Variants in TMEM178B observed in about 807,000 individuals in gnomAD.
TMEM178B encodes transmembrane protein 178B.
Under a neutral mutation model 31.0 loss-of-function variants are expected in TMEM178B, and 5 were observed. The ratio of observed to expected loss-of-function variants is 0.16; its 90% CI spans 0.08 to 0.34. TMEM178B has a LOEUF of 0.34. TMEM178B is among the 10% of genes least tolerant of loss of function. The pLI is 1.00. For missense variants in TMEM178B, 275 were observed against 400.3 expected (o/e 0.69, Z 2.67); for synonymous variants, 164 against 164.0 (o/e 1.00, Z 0.00).
At chr7:141,237,175 A>C (rs1224478350) in intron 2 of TMEM178B, among the ~76,000 whole-genome samples, 1 of 152,232 alleles carries the variant, frequency 6.6e-6, no homozygotes, top group Non-Finnish European at 1.5e-5. Flanking sequence ...AATTGATACA[A>C]CCTTACTTGA....
intron 1 of TMEM178B, among the ~76,000 whole-genome samples, chr7:141,168,685 G>T (rs944088060): frequency 6.6e-6 from 1 of 152,064 alleles, no homozygotes; most frequent in Non-Finnish European, 1.5e-5. Flanking sequence ...CAGGAGAATC[G>T]CTTGAGCCCG....
chr7:141,451,891 T>C (rs1801870363), intron 3 of TMEM178B, among the ~76,000 whole-genome samples: 1 of 152,184 alleles, frequency 6.6e-6, no homozygotes, highest in South Asian at 2.1e-4. Flanking sequence ...AGCTGGCTTC[T>C]TGGAGATGTG....
intron 1 of TMEM178B, among the ~76,000 whole-genome samples, chr7:141,132,060 C>G (rs1795603736): frequency 6.6e-6 from 1 of 152,194 alleles, no homozygotes; most frequent in Non-Finnish European, 1.5e-5. Context: ...TCTTTCTCAC[C>G]ATAGACTTTG....
At chr7:141,144,737 A>T (rs1001369020) in intron 1 of TMEM178B, among the ~76,000 whole-genome samples, 1 of 152,136 alleles carries the variant, frequency 6.6e-6, no homozygotes, top group African/African-American at 2.4e-5. Context: ...AGATTTGGGC[A>T]CAAAGGAGGT....
At chr7:141,358,537 C>G (rs1052672195) in intron 2 of TMEM178B, among the ~76,000 whole-genome samples, 2 of 152,154 alleles carry the variant, frequency 1.3e-5, no homozygotes, top group African/African-American at 2.4e-5. Context: ...CCTAAACCAA[C>G]TCTTTGTATA....
In TMEM178B at chr7:141,344,492, T is replaced by C. The variant is rs1041170270; in HGVS notation, c.497-93116T>C. On this transcript the variant is annotated intron_variant, in intron 2 of 3. Transcript: ENST00000565468. The surrounding 1 kb of genome is among the most constrained non-coding windows in gnomAD (Gnocchi z 4.1). ...CACATTTTAGGCACTCTTTTTACTT[T>C]GAAATTTTTAAAAATGTAATTTTAA... 2.0e-5 allele frequency among the ~76,000 whole-genome samples: 3 copies of C among 152,228 alleles called. No individual in the cohort carries two copies. The highest frequency in any genetic ancestry group is 7.2e-5 in the African/African-American group (3 of 41,456).
At chr7:141,192,532 A>G (rs1263581799) in intron 1 of TMEM178B, among the ~76,000 whole-genome samples, 1 of 148,798 alleles carries the variant, frequency 6.7e-6, no homozygotes, top group African/African-American at 2.5e-5. Context: ...TCTGTCGCCC[A>G]GGCTGGAGTG....
chr7:141,506,003 A>G, the TMEM178B span, among the ~76,000 whole-genome samples: 7 of 152,238 alleles, frequency 4.6e-5, no homozygotes, highest in African/African-American at 9.6e-5. Flanking sequence ...GACAGAGGTT[A>G]TGGGCCAGGT....
intron 1 of TMEM178B, among the ~76,000 whole-genome samples, chr7:141,113,750 G>T (rs1312667575): frequency 6.6e-6 from 1 of 152,186 alleles, no homozygotes. Flanking sequence ...AGCACCTGCA[G>T]CAGCAAGCCG....
At chr7:141,321,300 A>G (rs1206656734) in intron 2 of TMEM178B, among the ~76,000 whole-genome samples, 3 of 152,204 alleles carry the variant, frequency 2.0e-5, no homozygotes, top group Non-Finnish European at 2.9e-5. Flanking sequence ...CAAGATGCCA[A>G]TGGCCTTTCT....
At chr7:141,327,191 A>G (rs1799206914) in intron 2 of TMEM178B, among the ~76,000 whole-genome samples, 1 of 152,148 alleles carries the variant, frequency 6.6e-6, no homozygotes, top group South Asian at 2.1e-4. Flanking sequence ...TGATGTATAG[A>G]GTTTATGAAG....
chr7:141,285,800 G>C (rs1212092651), intron 2 of TMEM178B, among the ~76,000 whole-genome samples: 3 of 152,172 alleles, frequency 2.0e-5, no homozygotes. Flanking sequence ...CAGGGACATG[G>C]ATGAAGTTGG....
intron 1 of TMEM178B, among the ~76,000 whole-genome samples, chr7:141,192,865 T>C (rs1796719749): frequency 6.6e-6 from 1 of 152,240 alleles, no homozygotes; most frequent in Non-Finnish European, 1.5e-5. Flanking sequence ...CATAAACATC[T>C]CTGCGATGTG....
In TMEM178B at chr7:141,471,985, C is replaced by A. The variant is rs916774494; in HGVS notation, c.*1199C>A. 1 of 152,208 alleles carries A rather than the reference C, an allele frequency of 6.6e-6. No individual in the cohort carries two copies. Among genetic ancestry groups the A allele is most frequent in the South Asian group, 2.1e-4 (1 of 4,828 alleles). 9.4% of individuals were successfully genotyped at this position (152,208 alleles called of 1,614,324 possible). A position where few individuals can be genotyped will look rare whatever the true frequency, so the allele number is the denominator to read the frequency against. On this transcript the variant is annotated 3_prime_UTR_variant, in exon 4 of 4. Transcript: ENST00000565468. This position sits in a 1 kb window ranked among gnomAD's most constrained non-coding sequence, Gnocchi z 4.1. ...CTCTGGGACTCTGCACGATTTAGTC[C>A]TCTAATTTTGGAAGTTCAAGACACA...
chr7:141,309,557 A>G (rs188065822), intron 2 of TMEM178B, among the ~76,000 whole-genome samples: 6 of 152,274 alleles, frequency 3.9e-5, no homozygotes, highest in African/African-American at 1.4e-4. Flanking sequence ...TAATATGATT[A>G]TGTGTGCTTA....
chr7:141,297,332 C>A (rs528398370), intron 2 of TMEM178B, among the ~76,000 whole-genome samples: 1 of 152,098 alleles, frequency 6.6e-6, no homozygotes, highest in Non-Finnish European at 1.5e-5. Flanking sequence ...GACAGGGAAT[C>A]TCTTTCTGGT....
At chr7:141,082,871 G>C (rs970505129) in intron 1 of TMEM178B, among the ~76,000 whole-genome samples, 1 of 152,182 alleles carries the variant, frequency 6.6e-6, no homozygotes, top group Admixed American at 6.5e-5. Flanking sequence ...ATGCAGGAGT[G>C]AGCTCTTTTT....
intron 2 of TMEM178B, among the ~76,000 whole-genome samples, chr7:141,381,526 A>G (rs1238837896): frequency 6.6e-6 from 1 of 152,156 alleles, no homozygotes; most frequent in Non-Finnish European, 1.5e-5. Context: ...CATTATTTCA[A>G]AAGTCGAGTC....
chr7:141,079,992 G>A (rs1253305396), intron 1 of TMEM178B, among the ~76,000 whole-genome samples: 1 of 152,088 alleles, frequency 6.6e-6, no homozygotes, highest in East Asian at 1.9e-4. Context: ...AATCTATCGG[G>A]GCAGGAGTGA....
Sources: gnomAD v4.1 joint callset for allele counts (sites outside exome capture counted in the v4.1 genomes callset) on GRCh38, gnomAD v4.1.1 for gene constraint, Gnocchi (gnomAD v3.1) non-coding constraint, MANE v1.5 for transcripts, NCBI Gene and HGNC (gene_info 2026-07-23, HGNC 2026-07-21) for gene names.